Variants in ANKRD12 observed in about 807,000 individuals in gnomAD.
ANKRD12 encodes ankyrin repeat domain-containing protein 12.
A neutral mutation model predicts 183.4 loss-of-function variants in ANKRD12; 85 were observed. The observed-to-expected ratio is 0.46, with a 90% CI of 0.39 to 0.56. The LOEUF (loss-of-function observed/expected upper bound fraction) is 0.56. Ranked by LOEUF, ANKRD12 falls within the 20% of genes least tolerant of loss-of-function variation. The pLI, the probability that ANKRD12 is intolerant of heterozygous loss-of-function variation, is 0.00. For missense variants in ANKRD12, 2,405 were observed against 2,357.1 expected (o/e 1.02, Z -0.42); for synonymous variants, 914 against 800.2 (o/e 1.14, Z -2.40).
At position 9,282,324 on chromosome 18, in the gene ANKRD12, C is replaced by G. The variant is rs2040130002; in HGVS notation, c.*1198C>G. ...TAAGTAAAAGAAATATAGGAATATT[C>G]CAGTCAATCTCTGAAATGTTTATGA... On this transcript the variant is annotated 3_prime_UTR_variant, in exon 13 of 13. Transcript: ENST00000262126. The G allele has an allele frequency of 6.6e-6, 1 of 152,380 alleles. No individual in the cohort carries two copies. 9.4% of individuals were successfully genotyped at this position (152,380 alleles called of 1,614,324 possible).
At chr18:9,184,291 C>G (rs1009306728) in intron 2 of ANKRD12, among the ~76,000 whole-genome samples, 1 of 152,176 alleles carries the variant, frequency 6.6e-6, no homozygotes, top group Non-Finnish European at 1.5e-5. Flanking sequence ...AAGTTACTAT[C>G]TGGTGTAAGA....
chr18:9,218,665 C>CTTTT (rs58382120), intron 7 of ANKRD12, among the ~76,000 whole-genome samples: 5 of 142,890 alleles, frequency 3.5e-5, no homozygotes, highest in Non-Finnish European at 6.1e-5. Context: ...CTTCTTTTTT[C>CTTTT]TTTTTTTTTT....
intron 8 of ANKRD12, among the ~76,000 whole-genome samples, chr18:9,250,747 ACT>A (rs1334793822): frequency 1.3e-5 from 2 of 152,018 alleles, no homozygotes; most frequent in Non-Finnish European, 2.9e-5. Flanking sequence ...AGAAATCAAA[ACT>A]CTGAATGGCT....
intron 10 of ANKRD12, among the ~76,000 whole-genome samples, chr18:9,270,097 A>T (rs559866325): frequency 2.1e-4 from 32 of 152,346 alleles, no homozygotes; most frequent in African/African-American, 7.0e-4. Flanking sequence ...GGCGATCATT[A>T]AAAAGTCAGG....
intron 1 of ANKRD12, among the ~76,000 whole-genome samples, chr18:9,172,123 C>T (rs1447074419): frequency 6.6e-6 from 1 of 151,634 alleles, no homozygotes; most frequent in African/African-American, 2.4e-5. Flanking sequence ...ATGTGTTTCC[C>T]TTTGTAGGTG....
chr18:9,152,848 C>T (rs80115734), intron 1 of ANKRD12, among the ~76,000 whole-genome samples: 3,212 of 152,222 alleles, frequency 0.021, 125 homozygotes, highest in African/African-American at 0.073. Context: ...TTTTCCCTCT[C>T]CTTGACCCCT....
chr18:9,214,232 TA>T (rs1029900160), intron 6 of ANKRD12, among the ~76,000 whole-genome samples: 2 of 152,062 alleles, frequency 1.3e-5, no homozygotes, highest in African/African-American at 4.8e-5. Flanking sequence ...CTTACTACCA[TA>T]AAATATACAC....
intron 9 of ANKRD12, 75 bp downstream of exon 9, chr18:9,259,006 T>A (rs2145237991): frequency 6.9e-7 from 1 of 1,455,108 alleles, no homozygotes; most frequent in East Asian, 2.4e-5. Flanking sequence ...CATACGTAAT[T>A]TGAAGTTTTC....
At chr18:9,204,169 A>T (rs1249060865) in intron 3 of ANKRD12, among the ~76,000 whole-genome samples, 2 of 152,208 alleles carry the variant, frequency 1.3e-5, no homozygotes, top group Non-Finnish European at 2.9e-5. Context: ...TGTTATTCAG[A>T]AGTTGAAAAA....
At chr18:9,267,714 A>G (rs2145364690) in intron 10 of ANKRD12, among the ~76,000 whole-genome samples, 1 of 152,348 alleles carries the variant, frequency 6.6e-6, no homozygotes, top group Non-Finnish European at 1.5e-5. Context: ...TAAAAGAACT[A>G]GAGAAGCAAG....
chr18:9,157,159 A>G (rs147098120), intron 1 of ANKRD12, among the ~76,000 whole-genome samples: 195 of 152,344 alleles, frequency 1.3e-3, no homozygotes, highest in African/African-American at 4.5e-3. Flanking sequence ...TGAAAATACT[A>G]TTAAGTTAAA....
Position 9,150,251 on chromosome 18 carries a change from G to A in ANKRD12, c.-52+13286G>A, listed in dbSNP as rs150208915. ...TGCTTCTTTCCCTATTCTGGATTTA[G>A]AGTTAGAAAATATGTAAGTACCTTT... On this transcript the variant is annotated intron_variant, in intron 1 of 12. Coordinates refer to ENST00000262126, the MANE Select transcript of ANKRD12 (RefSeq NM_015208.5). Among the ~76,000 whole-genome samples, 4 of 152,232 alleles carry A rather than the reference G, an allele frequency of 2.6e-5. No homozygotes were observed. In the East Asian group the frequency reaches 7.7e-4, roughly 29 times the overall value.
chr18:9,138,406 G>C (rs921022954), intron 1 of ANKRD12, among the ~76,000 whole-genome samples: 7 of 152,190 alleles, frequency 4.6e-5, no homozygotes, highest in Non-Finnish European at 8.8e-5. Flanking sequence ...CCAGCTACTT[G>C]GGAAGCCGAG....
At chr18:9,173,399 G>A (rs1169963528) in intron 1 of ANKRD12, among the ~76,000 whole-genome samples, 2 of 152,034 alleles carry the variant, frequency 1.3e-5, no homozygotes, top group Non-Finnish European at 2.9e-5. Flanking sequence ...GGTTTTTGTG[G>A]TGTCTTTTTT....
intron 1 of ANKRD12, among the ~76,000 whole-genome samples, chr18:9,156,670 C>T (rs1328855481): frequency 2.0e-5 from 3 of 152,076 alleles, no homozygotes; most frequent in Admixed American, 6.5e-5. Context: ...ATTGTTTACC[C>T]ATGTTTATAG....
In ANKRD12 at chr18:9,212,557, G is replaced by A. The variant is rs78317921; in HGVS notation, c.652+773G>A. Among the ~76,000 whole-genome samples, 562 of 151,892 alleles carry A rather than the reference G, an allele frequency of 3.7e-3. 6 individuals carry two copies. The highest frequency in any genetic ancestry group is 0.013 in the African/African-American group (538 of 41,476). On this transcript the variant is annotated intron_variant, in intron 6 of 12. Coordinates refer to ENST00000262126, the MANE Select transcript of ANKRD12 (RefSeq NM_015208.5). ...ATAATATTTTCTGGTATAGCATTCC[G>A]TAGGCAACACTGTAGTAAATACCTA...
Position 9,275,516 on chromosome 18 carries a change from T to A in ANKRD12, c.5764-8T>A. 1 of 1,595,082 alleles carries A rather than the reference T, an allele frequency of 6.3e-7. No individual in the cohort carries two copies. Among genetic ancestry groups the A allele is most frequent in the Non-Finnish European group, 8.6e-7 (1 of 1,168,980 alleles). On this transcript the variant is annotated splice_region_variant and splice_polypyrimidine_tract_variant and intron_variant, in intron 10 of 12. Transcript: ENST00000262126. ...AATTTATTTTTTTTTAATTCTTTAT[T>A]CAACTAGGAAAAACTCATTGTATCC...
intron 8 of ANKRD12, among the ~76,000 whole-genome samples, chr18:9,244,372 A>G (rs971931722): frequency 6.6e-6 from 1 of 151,836 alleles, no homozygotes; most frequent in African/African-American, 2.4e-5. Context: ...TTTTTTTGAG[A>G]TGAGGTCTTG....
intron 4 of ANKRD12, among the ~76,000 whole-genome samples, chr18:9,205,933 T>G (rs2035462517): frequency 1.3e-5 from 2 of 152,146 alleles, no homozygotes; most frequent in Non-Finnish European, 2.9e-5. Context: ...CAATTTTGTC[T>G]CTTCTCCTTA....
Sources: gnomAD v4.1 joint callset for allele counts (sites outside exome capture counted in the v4.1 genomes callset) on GRCh38, gnomAD v4.1.1 for gene constraint, MANE v1.5 for transcripts, NCBI Gene and HGNC (gene_info 2026-07-23, HGNC 2026-07-21) for gene names.